The following IFI27 variants were observed in gnomAD, a reference collection of about 807,000 sequenced individuals.
The protein encoded by IFI27 is interferon alpha-inducible protein 27, mitochondrial.
IFI27 carries 3 observed loss-of-function variants against 8.9 expected under a neutral mutation model. That is an observed-to-expected ratio of 0.34 (90% CI 0.15 to 0.87). IFI27 has a LOEUF of 0.87. Among genes scored for constraint, IFI27 ranks in the 40% least tolerant of loss-of-function variants. IFI27 has a pLI of 0.51. For synonymous variants in IFI27, 66 were observed against 67.3 expected, an observed-to-expected ratio of 0.98 and a Z score of 0.09; for missense variants, 152 against 157.7, an observed-to-expected ratio of 0.96 and a Z score of 0.19.
Position 94,112,003 on chromosome 14 carries a change from C to G in IFI27, c.91+230C>G, listed in dbSNP as rs560377866. On this transcript the variant is annotated intron_variant, in intron 2 of 4. Transcript: ENST00000621160. ...CTGGGTGTTCCACAGGTCCTCTCCC[C>G]TCTGGGCCCGGGCCTCCTCCTGCCT... 18 of 597,404 alleles carry G rather than the reference C, an allele frequency of 3.0e-5. No individual in the cohort carries two copies. In the Admixed American group the frequency reaches 4.9e-4, roughly 16 times the overall value. 37.0% of individuals were successfully genotyped at this position (597,404 alleles called of 1,614,324 possible).
chr14:94,114,619 C>T, intron 2 of IFI27: 1 of 562,048 alleles, frequency 1.8e-6, no homozygotes, highest in East Asian at 2.8e-5. Context: ...TAGGTCAGGG[C>T]CACGTAAATT....
chr14:94,111,535 C>A lies in IFI27; in HGVS notation c.-58-90C>A. On this transcript the variant is annotated intron_variant, in intron 1 of 4. Transcript: ENST00000621160. The surrounding 1 kb of genome is among the most constrained non-coding windows in gnomAD (Gnocchi z 4.3). Reference sequence around the variant, plus strand: ...CACAAGCTCAGAGCAGCCTCCCTAGCCCCCTGGAGCCCGTCACATTTTTCA... The same window carrying A: ...CACAAGCTCAGAGCAGCCTCCCTAGACCCCTGGAGCCCGTCACATTTTTCA... The A allele has an allele frequency of 1.5e-6, 1 of 667,140 alleles. No homozygotes were observed. The allele number at this position is 667,140 out of a possible 1,614,324, so 41.3% of individuals were successfully genotyped here. A position where few individuals can be genotyped will look rare whatever the true frequency, so the allele number is the denominator to read the frequency against.
chr14:94,115,081 G>A (rs1567079733), intron 3 of IFI27, among the ~76,000 whole-genome samples: 1 of 152,232 alleles, frequency 6.6e-6, no homozygotes, highest in Non-Finnish European at 1.5e-5. Flanking sequence ...ACTGGGAGCT[G>A]GAGTGCGTGT....
At chr14:94,112,489 T>C (rs1887229864) in intron 2 of IFI27, among the ~76,000 whole-genome samples, 1 of 152,352 alleles carries the variant, frequency 6.6e-6, no homozygotes, top group South Asian at 2.1e-4. Flanking sequence ...GGCTTCTACC[T>C]GCTGACAAGT....
chr14:94,116,615 C>A lies in IFI27; in HGVS notation c.*88C>A, dbSNP rs1887427957. The stretch of plus-strand genomic sequence containing the variant: ...TGACCCAGCGAGGAGCCAACTATCC[C>A]AAATATACCTGGGGTGAAATATACC... On this transcript the variant is annotated 3_prime_UTR_variant, in exon 5 of 5. Transcript: ENST00000621160. The surrounding 1 kb of genome is among the most constrained non-coding windows in gnomAD (Gnocchi z 4.3). 36 of 900,960 alleles carry A rather than the reference C, an allele frequency of 4.0e-5. 1 individual carries two copies. The South Asian group carries it at 4.9e-4, about 12-fold the overall frequency. 55.8% of individuals were successfully genotyped at this position (900,960 alleles called of 1,614,324 possible).
intron 2 of IFI27, chr14:94,114,639 C>G: frequency 1.7e-6 from 1 of 592,968 alleles, no homozygotes; most frequent in Non-Finnish European, 3.0e-6. Flanking sequence ...TCATTCAGGA[C>G]AAGCACTGAG....
intron 4 of IFI27, 30 bp downstream of exon 4, chr14:94,115,972 G>C (rs1270980842): frequency 6.4e-7 from 1 of 1,552,024 alleles, no homozygotes; most frequent in Non-Finnish European, 8.7e-7. Context: ...TTGCTGGGGA[G>C]GGCGATGAGG....
At position 94,114,975 on chromosome 14, in the gene IFI27, C is replaced by T. The variant is rs1032622245; in HGVS notation, c.121+95C>T. ...CTTGTCCATGCCAATGTTTCCCTCA[C>T]ATGGGTGGTCAGGGGAGGAGGTGGG... On this transcript the variant is annotated intron_variant, in intron 3 of 4. Transcript: ENST00000621160. The T allele has an allele frequency of 2.6e-6, 3 of 1,156,272 alleles. No homozygotes were observed. The African/African-American group carries it at 4.5e-5, about 18-fold the overall frequency. The allele number at this position is 1,156,272 out of a possible 1,614,324, so 71.6% of individuals were successfully genotyped here. A position where few individuals can be genotyped will look rare whatever the true frequency, so the allele number is the denominator to read the frequency against.
At chr14:94,114,156 A>G (rs1450561040) in intron 2 of IFI27, 3 of 152,284 alleles carry the variant, frequency 2.0e-5, no homozygotes, top group African/African-American at 7.2e-5. Flanking sequence ...AGAAGCTTTC[A>G]ATTCATTCCA....
upstream of IFI27, among the ~76,000 whole-genome samples, chr14:94,106,911 A>G (rs145279990): frequency 8.8e-3 from 1,284 of 146,434 alleles, 18 homozygotes; most frequent in African/African-American, 0.029. Flanking sequence ...AAGCACCCCC[A>G]TGACCGAAAC....
upstream of IFI27, among the ~76,000 whole-genome samples, chr14:94,108,668 G>A (rs1344750445): frequency 2.0e-5 from 3 of 152,010 alleles, no homozygotes; most frequent in Non-Finnish European, 2.9e-5. Flanking sequence ...GACACCTGCT[G>A]GACCCCTGAA....
Position 94,116,347 on chromosome 14 carries a change from G to A in IFI27, c.284-95G>A. The A allele has an allele frequency of 1.2e-6, 1 of 848,396 alleles. No homozygotes were observed. Among genetic ancestry groups the A allele is most frequent in the Non-Finnish European group, 2.0e-6 (1 of 509,374 alleles). The allele number at this position is 848,396 out of a possible 1,614,324, so 52.6% of individuals were successfully genotyped here. ...GTGGGGTCTGTAAGCCTCAGCCCCT[G>A]CTGAGGGTCACTGGAGTCTCTGACC... On this transcript the variant is annotated intron_variant, in intron 4 of 4. Coordinates refer to ENST00000621160, the Ensembl canonical transcript of IFI27. The surrounding 1 kb of genome is among the most constrained non-coding windows in gnomAD (Gnocchi z 4.3).
upstream of IFI27, among the ~76,000 whole-genome samples, chr14:94,106,327 T>C (rs1242393311): frequency 6.6e-6 from 1 of 152,258 alleles, no homozygotes; most frequent in Non-Finnish European, 1.5e-5. Context: ...TTCTTTGGGA[T>C]ATATACCCAG....
At chr14:94,113,117 A>G (rs1314368123) in intron 2 of IFI27, 1 of 152,216 alleles carries the variant, frequency 6.6e-6, no homozygotes, top group Non-Finnish European at 1.5e-5. Flanking sequence ...GGGACAATTT[A>G]CTGTTGTCCA....
At position 94,116,291 on chromosome 14, in the gene IFI27, G is replaced by C. The variant is rs886261879; in HGVS notation, c.284-151G>C. 1.5e-6 allele frequency: 1 copy of C among 661,028 alleles called. No homozygotes were observed. The highest frequency in any genetic ancestry group is 2.7e-6 in the Non-Finnish European group (1 of 369,156). 40.9% of individuals were successfully genotyped at this position (661,028 alleles called of 1,614,324 possible). A position where few individuals can be genotyped will look rare whatever the true frequency, so the allele number is the denominator to read the frequency against. The stretch of plus-strand genomic sequence containing the variant: ...CAGCCTCTCCCCAAACAAAGACCCC[G>C]AGGGTACTGGGAAACAGAGAGGGGA... On this transcript the variant is annotated intron_variant, in intron 4 of 4. Transcript: ENST00000621160. The surrounding 1 kb of genome is among the most constrained non-coding windows in gnomAD (Gnocchi z 4.3).
chr14:94,115,886 T>G, exon 4 of IFI27: 1 of 1,599,544 alleles, frequency 6.3e-7, no homozygotes, highest in South Asian at 1.1e-5. Context: ...GCGGCGGCCA[T>G]TGCCAATGGG....
At position 94,116,580 on chromosome 14, in the gene IFI27, C is replaced by A; in HGVS notation, c.*53C>A. ...AGAACCATGCCAGGGGAGAAGGCAC[C>A]CAGCCATCCTGACCCAGCGAGGAGC... On this transcript the variant is annotated 3_prime_UTR_variant, in exon 5 of 5. Coordinates refer to ENST00000621160, the Ensembl canonical transcript of IFI27. The surrounding 1 kb of genome is among the most constrained non-coding windows in gnomAD (Gnocchi z 4.3). The A allele has an allele frequency of 7.0e-7, 1 of 1,423,254 alleles. No homozygotes were observed. Among genetic ancestry groups the A allele is most frequent in the South Asian group, 1.2e-5 (1 of 83,846 alleles). 88.2% of individuals were successfully genotyped at this position (1,423,254 alleles called of 1,614,324 possible). A position where few individuals can be genotyped will look rare whatever the true frequency, so the allele number is the denominator to read the frequency against.
chr14:94,111,828 CG>C lies in IFI27; in HGVS notation c.91+60del. 1.5e-6 allele frequency: 2 copies of C among 1,335,526 alleles called. No homozygotes were observed. The highest frequency in any genetic ancestry group is 2.2e-6 in the Non-Finnish European group (2 of 926,500). The allele number at this position is 1,335,526 out of a possible 1,614,324, so 82.7% of individuals were successfully genotyped here. On this transcript the variant is annotated intron_variant, in intron 2 of 4. Transcript: ENST00000621160. This position sits in a 1 kb window ranked among gnomAD's most constrained non-coding sequence, Gnocchi z 4.3. ...GGGGCGAGGAGGCGGCTGGGAAGGGCGGGGGTCCTGTCCCGGGACCCGTGGG... is the reference window on the plus strand; with the variant it reads ...GGGGCGAGGAGGCGGCTGGGAAGGGCGGGGTCCTGTCCCGGGACCCGTGGG...
At chr14:94,115,848 G>A (rs533130379) in exon 4 of IFI27, 61 of 1,602,196 alleles carry the variant, frequency 3.8e-5, no homozygotes, top group South Asian at 2.2e-4. Flanking sequence ...GAATCGCCTC[G>A]TCCTCCATAG....
Sources: gnomAD v4.1 joint callset for allele counts (sites outside exome capture counted in the v4.1 genomes callset) on GRCh38, gnomAD v4.1.1 for gene constraint, Gnocchi (gnomAD v3.1) non-coding constraint, MANE v1.5 for transcripts, NCBI Gene and HGNC (gene_info 2026-07-23, HGNC 2026-07-21) for gene names.